The following XBP1 variants were observed in gnomAD, a reference collection of about 807,000 sequenced individuals.
The protein encoded by XBP1 is X-box-binding protein 1.
XBP1 carries 18 observed loss-of-function variants against 34.6 expected under a neutral mutation model. The ratio of observed to expected loss-of-function variants is 0.52; its 90% confidence interval spans 0.36 to 0.77. The LOEUF (loss-of-function observed/expected upper bound fraction) is 0.77. Ranked by LOEUF, XBP1 falls within the 30% of genes least tolerant of loss-of-function variation. XBP1 has a pLI of 0.00. For missense variants in XBP1, 422 were observed against 464.6 expected, an observed-to-expected ratio of 0.91 and a Z score of 0.84; for synonymous variants, 191 against 193.4, an observed-to-expected ratio of 0.99 and a Z score of 0.11.
At position 28,799,964 on chromosome 22, in the gene XBP1, T is replaced by A. The variant is rs755507596; in HGVS notation, c.227+334A>T. 3 of 779,366 alleles carry A rather than the reference T, an allele frequency of 3.8e-6. No homozygotes were observed. In the South Asian group the frequency reaches 4.0e-5, roughly 10 times the overall value. 48.3% of individuals were successfully genotyped at this position (779,366 alleles called of 1,614,324 possible). On this transcript the variant is annotated intron_variant, in intron 1 of 5. Coordinates refer to ENST00000344347, the Ensembl canonical transcript of XBP1. ...AACCAAAACAGATTATTCGACCTCA[T>A]GTCCGAGTTAAGAGGCTGAACCACC...
At chr22:28,799,848 A>G in intron 1 of XBP1, 1 of 630,918 alleles carries the variant, frequency 1.6e-6, no homozygotes, top group Non-Finnish European at 2.9e-6. Flanking sequence ...AAGAACGCAG[A>G]TACTGAGCTA....
chr22:28,796,980 G>C (rs1051384989), intron 3 of XBP1, 97 bp downstream of exon 3: 2 of 1,443,928 alleles, frequency 1.4e-6, no homozygotes, highest in Non-Finnish European at 1.9e-6. Flanking sequence ...TTTCAAGAAC[G>C]CTCTTGATCA....
chr22:28,799,828 G>C (rs1316438623), intron 1 of XBP1: 9 of 610,832 alleles, frequency 1.5e-5, no homozygotes, highest in Non-Finnish European at 2.7e-5. Flanking sequence ...CATGAAGTAG[G>C]TTCCATTTTA....
In XBP1 at chr22:28,796,207, CA is replaced by C; in HGVS notation, c.454-16del. ...ACTTCATTCCCCTGGGAGGAAAGAC[CA>C]AAGTGAATAAACAGCTTCAAGTGCC... is the stretch of plus-strand genomic sequence containing the variant. On this transcript the variant is annotated splice_polypyrimidine_tract_variant and intron_variant, in intron 3 of 5. Transcript: ENST00000344347. 6.6e-7 allele frequency: 1 copy of C among 1,523,148 alleles called. No homozygotes were observed. Among genetic ancestry groups the C allele is most frequent in the Non-Finnish European group, 8.8e-7 (1 of 1,139,622 alleles). The allele number at this position is 1,523,148 out of a possible 1,614,324, so 94.4% of individuals were successfully genotyped here. A position where few individuals can be genotyped will look rare whatever the true frequency, so the allele number is the denominator to read the frequency against.
intron 2 of XBP1, among the ~76,000 whole-genome samples, chr22:28,798,001 AC>A (rs1186647477): frequency 3.3e-5 from 5 of 152,200 alleles, no homozygotes; most frequent in East Asian, 3.8e-4. Flanking sequence ...GGTTAAAAAA[AC>A]AATATAAATA....
chr22:28,797,172 G>A lies in XBP1; in HGVS notation c.358C>T (p.Arg120Ter), dbSNP rs1170294310. The A allele has an allele frequency of 3.1e-6, 5 of 1,612,914 alleles. No homozygotes were observed. Among genetic ancestry groups the A allele is most frequent in the Admixed American group, 1.7e-5 (1 of 59,538 alleles). Residue 120 changes from arginine to a stop codon, truncating the protein, a stop_gained, in exon 3 of 6, where the codon CGA becomes TGA. Transcript: ENST00000344347. LOFTEE classifies it high-confidence loss of function. ...ACTACAAGGCCATGAGTTTTCTCTC[G>A]TAAAAGCTGATTTTCTAGCAAAAGT... is the stretch of plus-strand genomic sequence containing the variant.
At chr22:28,799,901 T>A (rs2031834825) in intron 1 of XBP1, 1 of 762,106 alleles carries the variant, frequency 1.3e-6, no homozygotes, top group East Asian at 2.5e-5. Context: ...TCAACAGCTC[T>A]GTTATTTCAG....
intron 1 of XBP1, chr22:28,800,064 G>A (rs541346502): frequency 5.2e-6 from 4 of 770,062 alleles, no homozygotes; most frequent in South Asian, 2.7e-5. Context: ...TCTAACGAGA[G>A]AGTTAAAAAG....
intron 1 of XBP1, chr22:28,800,091 G>A (rs1004743904): frequency 1.3e-6 from 1 of 743,466 alleles, no homozygotes; most frequent in South Asian, 1.5e-5. Flanking sequence ...AAAGAGCCCT[G>A]GGCCGCCCTA....
chr22:28,799,644 G>A (rs2031828244), intron 1 of XBP1, among the ~76,000 whole-genome samples: 1 of 152,144 alleles, frequency 6.6e-6, no homozygotes, highest in Non-Finnish European at 1.5e-5. Flanking sequence ...CCTAGGCAGT[G>A]ACCTGCTGAT....
chr22:28,799,227 G>A (rs1314502687), intron 1 of XBP1, 74 bp from the exon 2 acceptor site: 1 of 1,151,582 alleles, frequency 8.7e-7, no homozygotes, highest in Non-Finnish European at 1.3e-6. Context: ...AACTTTACCA[G>A]CTGGTGCTTT....
intron 2 of XBP1, among the ~76,000 whole-genome samples, chr22:28,798,737 G>C (rs543767052): frequency 6.8e-6 from 1 of 146,346 alleles, no homozygotes; most frequent in East Asian, 2.1e-4. Context: ...AACCTCCCGA[G>C]TAGCTGGGAC....
At chr22:28,796,346 T>C in intron 3 of XBP1, 154 bp from the exon 4 acceptor site, 1 of 645,424 alleles carries the variant, frequency 1.5e-6, no homozygotes, top group South Asian at 3.1e-5. Context: ...ATTATTATTA[T>C]TGAGAAGAGC....
chr22:28,800,497 G>A (rs990174850), exon 1 of XBP1: 6 of 1,487,180 alleles, frequency 4.0e-6, no homozygotes, highest in Non-Finnish European at 5.3e-6. Context: ...CCGTCGGCCG[G>A]GTTCGGCGCG....
Position 28,800,374 on chromosome 22 carries a change from C to T in XBP1, c.151G>A (p.Ala51Thr), listed in dbSNP as rs1351302400. Residue 51 changes from alanine to threonine, a missense_variant, in exon 1 of 6, where the codon GCG becomes ACG. Physicochemically the swap from Ala to Thr is moderately conservative, Grantham distance 58. This residue lies in a region of XBP1 where 121 missense variants were observed against 98.4 expected (regional missense o/e 1.23). Transcript: ENST00000344347. ...CGCGCCTGGGGCAGCCCCCCGCTCGCTGCCTCCGGGCTGGCCCCTCTCTGG... is the reference window on the plus strand; with the variant it reads ...CGCGCCTGGGGCAGCCCCCCGCTCGTTGCCTCCGGGCTGGCCCCTCTCTGG... The T allele has an allele frequency of 6.5e-7, 1 of 1,540,086 alleles. No homozygotes were observed. Among genetic ancestry groups the T allele is most frequent in the East Asian group, 2.6e-5 (1 of 38,628 alleles).
rs1188674229 is a variant in XBP1 at position 28,799,168 on chromosome 22, AACAT to A, written c.228-19_228-16del. On this transcript the variant is annotated splice_polypyrimidine_tract_variant and intron_variant, in intron 1 of 5. Coordinates refer to ENST00000344347, the Ensembl canonical transcript of XBP1. ...TTTTCAGTTTCCTAGGAAGAGAAGG[AACAT>A]ACCACACTGAGTCATATCAAACCTT... 6.3e-7 allele frequency: 1 copy of A among 1,599,286 alleles called. No individual in the cohort carries two copies. Among genetic ancestry groups the A allele is most frequent in the Admixed American group, 1.7e-5 (1 of 59,840 alleles).
At chr22:28,800,540 A>C, upstream of XBP1, 1 of 1,474,102 alleles carries the variant, frequency 6.8e-7, no homozygotes, top group Non-Finnish European at 8.9e-7. Context: ...CAGACTACGC[A>C]CCGCGCACCG....
exon 1 of XBP1, chr22:28,800,419 G>A (rs1012614892): frequency 1.3e-6 from 2 of 1,495,382 alleles, no homozygotes; most frequent in South Asian, 1.3e-5. Flanking sequence ...ATGAGCGGCA[G>A]GGCCTGGCCG....
exon 1 of XBP1, chr22:28,800,336 G>T: frequency 6.5e-7 from 1 of 1,550,240 alleles, no homozygotes; most frequent in Non-Finnish European, 8.7e-7. Context: ...GGTGCGTGAG[G>T]CGCTGTCGCT....
Sources: allele counts gnomAD v4.1 joint callset (sites outside exome capture counted in the v4.1 genomes callset), GRCh38; gene constraint gnomAD v4.1.1; regional missense constraint gnomAD v4.1.1; transcripts MANE v1.5; gene names NCBI Gene and HGNC (gene_info 2026-07-23, HGNC 2026-07-21).